The following PTPN14 variants were observed in gnomAD, a reference collection of about 807,000 sequenced individuals.
PTPN14 encodes tyrosine-protein phosphatase non-receptor type 14.
PTPN14 carries 53 observed loss-of-function variants against 126.8 expected under a neutral mutation model. That is an observed-to-expected ratio of 0.42 (90% CI 0.34 to 0.53). The LOEUF is 0.53. Among genes scored for constraint, PTPN14 ranks in the 20% least tolerant of loss-of-function variants. The pLI is 0.08. For synonymous variants in PTPN14, 630 were observed against 599.3 expected, an observed-to-expected ratio of 1.05 and a Z score of -0.75; for missense variants, 1,257 against 1,552.9, an observed-to-expected ratio of 0.81 and a Z score of 3.20.
rs564169989 is a variant in PTPN14 at position 214,405,807 on chromosome 1, C to A, written c.511-2854G>T. ...CTAGGTATTTCACAATGTATTATGT[C>A]TTTTAATGCTTACAACGAAATTAGG... On this transcript the variant is annotated intron_variant, in intron 5 of 18. Transcript: ENST00000366956. Among the ~76,000 whole-genome samples the A allele has an allele frequency of 1.0e-3, 152 of 152,130 alleles. 1 individual carries two copies. The highest frequency in any genetic ancestry group is 1.6e-3 in the Non-Finnish European group (110 of 68,012).
rs187233320 is a variant in PTPN14 at position 214,527,106 on chromosome 1, A to G, written c.-155+24077T>C. ...AACTCCATCTCCAAAAAAGAAAAAA[A>G]AAAAAACAGAAGGTGATAAGGCAAG... On this transcript the variant is annotated intron_variant, in intron 1 of 18. Transcript: ENST00000366956. 9.9e-5 allele frequency among the ~76,000 whole-genome samples: 15 copies of G among 152,248 alleles called. No individual in the cohort carries two copies. In the East Asian group the frequency reaches 1.7e-3, roughly 18 times the overall value.
At chr1:214,424,581 G>T (rs1010165370) in intron 3 of PTPN14, among the ~76,000 whole-genome samples, 3 of 151,246 alleles carry the variant, frequency 2.0e-5, no homozygotes, top group Non-Finnish European at 4.4e-5. Flanking sequence ...AGGCTGGAGT[G>T]CAGTGATGCA....
At chr1:214,459,792 G>A (rs1660468107) in intron 2 of PTPN14, among the ~76,000 whole-genome samples, 1 of 152,156 alleles carries the variant, frequency 6.6e-6, no homozygotes, top group African/African-American at 2.4e-5. Flanking sequence ...CTACTACTGA[G>A]TGCTACTGAG....
At chr1:214,358,311 G>A (rs2102501049) in intron 18 of PTPN14, among the ~76,000 whole-genome samples, 1 of 152,288 alleles carries the variant, frequency 6.6e-6, no homozygotes, top group Admixed American at 6.5e-5. Context: ...GTGTCACCCA[G>A]GCTGGAGTAC....
intron 1 of PTPN14, among the ~76,000 whole-genome samples, chr1:214,517,473 A>C (rs1032745983): frequency 1.4e-5 from 2 of 147,078 alleles, no homozygotes; most frequent in Admixed American, 1.4e-4. Flanking sequence ...CACCAAATTT[A>C]ATGAGCATAA....
At chr1:214,462,938 AC>A (rs1321509397) in intron 2 of PTPN14, among the ~76,000 whole-genome samples, 2 of 152,216 alleles carry the variant, frequency 1.3e-5, no homozygotes, top group Non-Finnish European at 2.9e-5. Flanking sequence ...CATTTTCCAT[AC>A]AGGAACTCTT....
chr1:214,391,638 T>C (rs1658753843), intron 10 of PTPN14, among the ~76,000 whole-genome samples: 1 of 148,340 alleles, frequency 6.7e-6, no homozygotes, highest in Non-Finnish European at 1.5e-5. Context: ...AGAGTTGAAA[T>C]CAAAGACGCC....
At position 214,355,959 on chromosome 1, in the gene PTPN14, C is replaced by CTTTTTTTTTTTTTTTTT. The variant is rs58372033; in HGVS notation, c.*1946_*1962dup. Reference sequence around the variant, plus strand: ...TAGTTTTTCTTGACAACCTTTTTTCCTTTTTTTTTTTTTTTTTTGGAGGCA... The same window carrying CTTTTTTTTTTTTTTTTT: ...TAGTTTTTCTTGACAACCTTTTTTCCTTTTTTTTTTTTTTTTTTTTTTTTTTTTTTTTTTTGGAGGCA... On this transcript the variant is annotated 3_prime_UTR_variant, in exon 19 of 19. Transcript: ENST00000366956. The CTTTTTTTTTTTTTTTTT allele has an allele frequency of 1.7e-4, 17 of 101,652 alleles. No individual in the cohort carries two copies. In the South Asian group the frequency reaches 4.9e-3, roughly 29 times the overall value. 6.3% of individuals were successfully genotyped at this position (101,652 alleles called of 1,614,324 possible).
intron 17 of PTPN14, among the ~76,000 whole-genome samples, chr1:214,366,707 T>C (rs1658088266): frequency 6.6e-6 from 1 of 152,182 alleles, no homozygotes; most frequent in Non-Finnish European, 1.5e-5. Flanking sequence ...TTTACATTCT[T>C]TAAAAATACT....
intron 1 of PTPN14, among the ~76,000 whole-genome samples, chr1:214,536,273 T>C (rs1019537750): frequency 3.9e-5 from 6 of 151,950 alleles, no homozygotes; most frequent in African/African-American, 1.5e-4. Context: ...CACAGGATGT[T>C]GGCATACACC....
At chr1:214,535,429 G>A (rs1003450954) in intron 1 of PTPN14, among the ~76,000 whole-genome samples, 2 of 152,160 alleles carry the variant, frequency 1.3e-5, no homozygotes, top group Non-Finnish European at 2.9e-5. Context: ...CAATTCTTTT[G>A]TCAGATTATA....
At chr1:214,457,943 G>A (rs529477498) in intron 2 of PTPN14, among the ~76,000 whole-genome samples, 2 of 152,016 alleles carry the variant, frequency 1.3e-5, no homozygotes, top group Non-Finnish European at 2.9e-5. Context: ...CTAGCTGTTC[G>A]AGGAACTGAA....
In PTPN14 at chr1:214,351,295, A is replaced by ACT. The variant is rs1426493573; in HGVS notation, c.*6626_*6627insAG. The ACT allele has an allele frequency of 2.7e-5, 4 of 149,830 alleles. No individual in the cohort carries two copies. The highest frequency in any genetic ancestry group is 5.9e-5 in the Non-Finnish European group (4 of 68,064). 9.3% of individuals were successfully genotyped at this position (149,830 alleles called of 1,614,324 possible). Reference sequence around the variant, plus strand: ...TGAGACACGATCTCAAAAACTAAAAAAAAAAAAAAAAAGAAAAAGAAAAAA... The same window carrying ACT: ...TGAGACACGATCTCAAAAACTAAAAACTAAAAAAAAAAAAGAAAAAGAAAAAA... On this transcript the variant is annotated 3_prime_UTR_variant, in exon 19 of 19. Transcript: ENST00000366956.
chr1:214,417,568 T>C (rs1268817657), intron 3 of PTPN14, among the ~76,000 whole-genome samples: 2 of 152,222 alleles, frequency 1.3e-5, no homozygotes, highest in African/African-American at 2.4e-5. Context: ...TTCAAAATTA[T>C]AGCCCATAAC....
At chr1:214,482,062 C>T (rs1381646352) in intron 1 of PTPN14, among the ~76,000 whole-genome samples, 1 of 150,694 alleles carries the variant, frequency 6.6e-6, no homozygotes, top group African/African-American at 2.4e-5. Context: ...ACACTCAAGA[C>T]AAAATGAACT....
chr1:214,417,859 C>T (rs576767285), intron 3 of PTPN14, among the ~76,000 whole-genome samples: 1 of 152,208 alleles, frequency 6.6e-6, no homozygotes, highest in Admixed American at 6.5e-5. Flanking sequence ...AAGTCCAGTT[C>T]AGCAGACGTG....
At chr1:214,499,180 G>A (rs757390411) in intron 1 of PTPN14, among the ~76,000 whole-genome samples, 1 of 152,060 alleles carries the variant, frequency 6.6e-6, no homozygotes, top group Non-Finnish European at 1.5e-5. Flanking sequence ...AAAATTCTTC[G>A]TTCACTGCAA....
At chr1:214,381,565 G>T (rs1658473051) in intron 13 of PTPN14, among the ~76,000 whole-genome samples, 1 of 152,208 alleles carries the variant, frequency 6.6e-6, no homozygotes, top group Non-Finnish European at 1.5e-5. Flanking sequence ...CCAGAACTGT[G>T]AGGTTGAGAA....
At chr1:214,449,068 G>A (rs1660213889) in intron 3 of PTPN14, among the ~76,000 whole-genome samples, 1 of 130,768 alleles carries the variant, frequency 7.6e-6, no homozygotes, top group African/African-American at 3.0e-5. Flanking sequence ...CTGCAGTGGC[G>A]CTATCCCGGC....
Sources: allele counts gnomAD v4.1 joint callset (sites outside exome capture counted in the v4.1 genomes callset), GRCh38; gene constraint gnomAD v4.1.1; transcripts MANE v1.5; gene names NCBI Gene and HGNC (gene_info 2026-07-23, HGNC 2026-07-21).